RALYL: variants seen among roughly 807,000 people sequenced by gnomAD.
RALYL encodes RNA-binding Raly-like protein.
Under a neutral mutation model 35.1 loss-of-function variants are expected in RALYL, and 29 were observed. The observed-to-expected ratio is 0.83, with a 90% CI of 0.61 to 1.13. The LOEUF (loss-of-function observed/expected upper bound fraction) is 1.13. Ranked by LOEUF, RALYL falls within the 50% of genes most tolerant of loss-of-function variation. The pLI is 0.00. For missense variants in RALYL, 359 were observed against 360.4 expected, an observed-to-expected ratio of 1.00 and a Z score of 0.03; for synonymous variants, 120 against 127.6, an observed-to-expected ratio of 0.94 and a Z score of 0.40.
At chr8:84,903,588 T>G (rs1846042638) in intron 8 of RALYL, among the ~76,000 whole-genome samples, 1 of 152,092 alleles carries the variant, frequency 6.6e-6, no homozygotes, top group Non-Finnish European at 1.5e-5. Context: ...TAACTCCCAT[T>G]GTTCTATAAG....
rs1846627415 is a variant in RALYL at position 84,330,575 on chromosome 8, GTTTCCTTTTCAA to G, written c.-24+146152_-24+146163del. Among the ~76,000 whole-genome samples the G allele has an allele frequency of 2.6e-5, 4 of 152,096 alleles. No homozygotes were observed. The South Asian group carries it at 6.2e-4, about 24-fold the overall frequency. On this transcript the variant is annotated intron_variant, in intron 1 of 8. Transcript: ENST00000521268. ...AAATGACAAATAAAAGTAAAACGTA[GTTTCCTTTTCAA>G]GTACTCTTCCCTTTCCTTCCATCAC... is the stretch of plus-strand genomic sequence containing the variant.
intron 1 of RALYL, among the ~76,000 whole-genome samples, chr8:84,468,402 A>C (rs1444709161): frequency 6.6e-6 from 1 of 151,090 alleles, no homozygotes; most frequent in Admixed American, 6.6e-5. Flanking sequence ...TTCACTTATG[A>C]AGCTTAGTTT....
At chr8:84,734,463 A>G (rs1271685794) in intron 2 of RALYL, among the ~76,000 whole-genome samples, 1 of 152,130 alleles carries the variant, frequency 6.6e-6, no homozygotes. Context: ...TTAACATTTC[A>G]TTCATATAAA....
chr8:84,280,404 T>C (rs977919835), intron 1 of RALYL, among the ~76,000 whole-genome samples: 3 of 152,268 alleles, frequency 2.0e-5, no homozygotes, highest in Middle Eastern at 6.9e-3. Context: ...AAAGGGAAGA[T>C]ATAATATATC....
At chr8:84,375,000 T>A (rs931249134) in intron 1 of RALYL, among the ~76,000 whole-genome samples, 1 of 151,936 alleles carries the variant, frequency 6.6e-6, no homozygotes, top group African/African-American at 2.4e-5. Flanking sequence ...GAATCACCTT[T>A]ATTCTCATTG....
chr8:84,442,756 G>T (rs2048471158), intron 1 of RALYL, among the ~76,000 whole-genome samples: 1 of 152,048 alleles, frequency 6.6e-6, no homozygotes, highest in African/African-American at 2.4e-5. Flanking sequence ...TCAAAGCAGG[G>T]AATAACAGAA....
At chr8:84,908,181 TC>T (rs1276518961) in intron 8 of RALYL, among the ~76,000 whole-genome samples, 1 of 152,192 alleles carries the variant, frequency 6.6e-6, no homozygotes, top group Non-Finnish European at 1.5e-5. Flanking sequence ...AACATATTCA[TC>T]ACCCCAAATA....
chr8:84,217,688 G>C (rs1474717165), intron 1 of RALYL, among the ~76,000 whole-genome samples: 1 of 152,078 alleles, frequency 6.6e-6, no homozygotes, highest in Non-Finnish European at 1.5e-5. Context: ...CTGAAAAGCA[G>C]AATGCATGAA....
intron 1 of RALYL, among the ~76,000 whole-genome samples, chr8:84,428,585 T>G (rs1047854027): frequency 6.6e-6 from 1 of 152,210 alleles, no homozygotes; most frequent in Non-Finnish European, 1.5e-5. Context: ...TTTGTCAGTA[T>G]CTTTGTCTCT....
chr8:84,775,602 G>A (rs979070817), intron 3 of RALYL, among the ~76,000 whole-genome samples: 5 of 152,150 alleles, frequency 3.3e-5, no homozygotes, highest in African/African-American at 4.8e-5. Flanking sequence ...TGAAGTGCTT[G>A]GGTCTGAGTC....
At chr8:84,695,141 T>G (rs1307158813) in intron 2 of RALYL, among the ~76,000 whole-genome samples, 1 of 151,794 alleles carries the variant, frequency 6.6e-6, no homozygotes, top group Admixed American at 6.6e-5. Flanking sequence ...GAAGCCATAT[T>G]GATTAATCAC....
chr8:84,195,627 G>A (rs1171611635), intron 1 of RALYL, among the ~76,000 whole-genome samples: 2 of 152,176 alleles, frequency 1.3e-5, no homozygotes, highest in Non-Finnish European at 2.9e-5. Flanking sequence ...AAACTAGCAT[G>A]CAATTTCTTT....
chr8:84,209,548 A>T (rs1818944317), intron 1 of RALYL, among the ~76,000 whole-genome samples: 1 of 152,172 alleles, frequency 6.6e-6, no homozygotes, highest in Non-Finnish European at 1.5e-5. Context: ...TCAATAAATG[A>T]TGGCTTCTTT....
At chr8:84,313,388 A>G (rs1843164176) in intron 1 of RALYL, among the ~76,000 whole-genome samples, 1 of 152,162 alleles carries the variant, frequency 6.6e-6, no homozygotes, top group African/African-American at 2.4e-5. Flanking sequence ...CCCAGCTCGA[A>G]CTTCTCCCCA....
intron 1 of RALYL, among the ~76,000 whole-genome samples, chr8:84,275,649 G>A (rs142930596): frequency 1.5e-3 from 229 of 151,874 alleles, no homozygotes; most frequent in African/African-American, 5.1e-3. Context: ...CTATCAAATC[G>A]AAATTCAATA....
chr8:84,464,146 T>TTG (rs1480614901), intron 1 of RALYL, among the ~76,000 whole-genome samples: 2 of 151,514 alleles, frequency 1.3e-5, no homozygotes, highest in Non-Finnish European at 2.9e-5. Context: ...TTTTTTGTTT[T>TTG]TTTTTTTATT....
rs569742798 is a variant in RALYL, at chr8:84,522,556, G to T, written c.-23-6743G>T. ...GAGCCACCGCGCCCGGCCTAGAAAG[G>T]AAAATTTTTATAATATTGTTTAATT... On this transcript the variant is annotated intron_variant, in intron 1 of 8. Transcript: ENST00000521268. Among the ~76,000 whole-genome samples the T allele has an allele frequency of 1.4e-3, 207 of 152,058 alleles. 1 individual carries two copies. The highest frequency in any genetic ancestry group is 2.6e-3 in the Non-Finnish European group (178 of 67,986).
intron 8 of RALYL, among the ~76,000 whole-genome samples, chr8:84,911,753 C>G (rs1847548849): frequency 6.6e-6 from 1 of 152,102 alleles, no homozygotes; most frequent in Non-Finnish European, 1.5e-5. Context: ...AATCAAGGTT[C>G]CCATGTACCC....
At chr8:84,708,833 A>G (rs1435866217) in intron 2 of RALYL, among the ~76,000 whole-genome samples, 1 of 152,210 alleles carries the variant, frequency 6.6e-6, no homozygotes, top group Non-Finnish European at 1.5e-5. Context: ...TTTTTAAAAA[A>G]TGAATATGTT....
Sources: allele counts gnomAD v4.1 joint callset (sites outside exome capture counted in the v4.1 genomes callset), GRCh38; gene constraint gnomAD v4.1.1; transcripts MANE v1.5; gene names NCBI Gene and HGNC (gene_info 2026-07-23, HGNC 2026-07-21).